Variants in PCDH9 observed in about 807,000 individuals in gnomAD.
The protein encoded by PCDH9 is protocadherin 9.
PCDH9 carries 24 observed loss-of-function variants against 70.6 expected under a neutral mutation model. That is an observed-to-expected ratio of 0.34 (90% CI 0.25 to 0.48). The LOEUF is 0.48. Among genes scored for constraint, PCDH9 ranks in the 20% least tolerant of loss-of-function variants. The pLI, the probability that PCDH9 is intolerant of heterozygous loss-of-function variation, is 0.99. For missense variants in PCDH9, 1,281 were observed against 1,503.6 expected, an observed-to-expected ratio of 0.85 and a Z score of 2.45; for synonymous variants, 562 against 558.5, an observed-to-expected ratio of 1.01 and a Z score of -0.09.
At chr13:66,715,145 G>A (rs2139138958) in intron 3 of PCDH9, among the ~76,000 whole-genome samples, 1 of 152,228 alleles carries the variant, frequency 6.6e-6, no homozygotes, top group Non-Finnish European at 1.5e-5. Context: ...CAAATCATCA[G>A]TCACTGGGCA....
intron 3 of PCDH9, among the ~76,000 whole-genome samples, chr13:66,839,375 T>C (rs997048573): frequency 3.3e-5 from 5 of 152,188 alleles, no homozygotes; most frequent in African/African-American, 1.2e-4. Flanking sequence ...CTCTAGTGTC[T>C]TTCCTCTTTT....
intron 3 of PCDH9, among the ~76,000 whole-genome samples, chr13:66,831,995 T>C (rs1409951293): frequency 6.6e-6 from 1 of 152,170 alleles, no homozygotes; most frequent in African/African-American, 2.4e-5. Flanking sequence ...ATTCTTTGTC[T>C]TTTCCTACAG....
chr13:66,557,953 G>A (rs955611781), intron 4 of PCDH9, among the ~76,000 whole-genome samples: 8 of 152,152 alleles, frequency 5.3e-5, no homozygotes, highest in Non-Finnish European at 8.8e-5. Context: ...GGAGTTTGGA[G>A]ACCAGTGTGG....
At chr13:66,982,891 T>C (rs2083805049) in intron 2 of PCDH9, among the ~76,000 whole-genome samples, 1 of 152,254 alleles carries the variant, frequency 6.6e-6, no homozygotes, top group African/African-American at 2.4e-5. Flanking sequence ...AAATTTACTC[T>C]ATGTTCTATG....
intron 4 of PCDH9, among the ~76,000 whole-genome samples, chr13:66,351,852 T>C (rs376644831): frequency 6.9e-4 from 105 of 152,020 alleles, no homozygotes; most frequent in African/African-American, 2.4e-3. Context: ...CTTTTCTTTT[T>C]TTTTAAGACA....
At chr13:67,035,133 T>C (rs2084984710) in intron 2 of PCDH9, among the ~76,000 whole-genome samples, 1 of 152,078 alleles carries the variant, frequency 6.6e-6, no homozygotes, top group Non-Finnish European at 1.5e-5. Context: ...AGCTGAAGAA[T>C]TTGCTCAATC....
intron 3 of PCDH9, among the ~76,000 whole-genome samples, chr13:66,902,831 GAAAGATAGTAGATTTCTATACCCAGCC>G (rs2082298868): frequency 6.6e-6 from 1 of 151,448 alleles, no homozygotes; most frequent in Non-Finnish European, 1.5e-5. Context: ...AAAAATACAT[GAAAGATAGTAGATTTCTATACCCAGCC>G]ATACTGGAAT....
chr13:66,839,107 A>C (rs1217629380), intron 3 of PCDH9, among the ~76,000 whole-genome samples: 1 of 151,940 alleles, frequency 6.6e-6, no homozygotes, highest in Non-Finnish European at 1.5e-5. Context: ...TAATATTATA[A>C]AATTTTCAAC....
chr13:66,368,505 T>A (rs1956589020), intron 4 of PCDH9, among the ~76,000 whole-genome samples: 1 of 151,776 alleles, frequency 6.6e-6, no homozygotes, highest in South Asian at 2.1e-4. Context: ...AGAACCAGTT[T>A]CTGAAAAAAA....
chr13:66,927,523 C>T (rs1309184739), intron 2 of PCDH9, among the ~76,000 whole-genome samples: 6 of 152,018 alleles, frequency 3.9e-5, no homozygotes, highest in Admixed American at 6.6e-5. Flanking sequence ...CAAACCTGCA[C>T]GTGGACCTCT....
intron 3 of PCDH9, among the ~76,000 whole-genome samples, chr13:66,796,290 A>T (rs192936899): frequency 1.1e-3 from 161 of 152,298 alleles, no homozygotes; most frequent in Non-Finnish European, 1.9e-3. Context: ...TCATGTGTAC[A>T]GAGGCTGGGG....
rs61067249 is a variant in PCDH9, at chr13:66,568,994, CTTTT to C, written c.3340+62212_3340+62215del. ...TAACCTTCTGTTCTTGGAAACATGT[CTTTT>C]TTTTTTTTTTTTTTTTTTTTTGAGA... On this transcript the variant is annotated intron_variant, in intron 4 of 4. Transcript: ENST00000377865. Among the ~76,000 whole-genome samples, 105 of 58,306 alleles carry C rather than the reference CTTTT, an allele frequency of 1.8e-3. 1 individual carries two copies. The highest frequency in any genetic ancestry group is 2.7e-3 in the Non-Finnish European group (90 of 33,810). The allele number at this position is 58,306 out of a possible 152,430, so 38.3% of individuals were successfully genotyped here. A position where few individuals can be genotyped will look rare whatever the true frequency, so the allele number is the denominator to read the frequency against.
Position 67,008,759 on chromosome 13 carries a change from C to A in PCDH9, c.3037-105154G>T, listed in dbSNP as rs2084399404. Among the ~76,000 whole-genome samples the A allele has an allele frequency of 2.6e-5, 4 of 152,118 alleles. No individual in the cohort carries two copies. The South Asian group carries it at 8.3e-4, about 32-fold the overall frequency. On this transcript the variant is annotated intron_variant, in intron 2 of 4. Coordinates refer to ENST00000377865, the MANE Select transcript of PCDH9 (RefSeq NM_203487.3). ...CAATTCCTTTTTACTTACATATTTT[C>A]TTATATTCATTGTATACCTATCAAT...
chr13:66,863,165 A>T (rs542460538), intron 3 of PCDH9, among the ~76,000 whole-genome samples: 76 of 152,338 alleles, frequency 5.0e-4, no homozygotes, highest in African/African-American at 1.8e-3. Context: ...CAAAAGCAAG[A>T]TACAAATAAA....
chr13:67,174,254 T>C (rs780396121), intron 2 of PCDH9, among the ~76,000 whole-genome samples: 11 of 151,406 alleles, frequency 7.3e-5, no homozygotes, highest in Non-Finnish European at 1.3e-4. Context: ...AGGCAGACTA[T>C]AGATAGATAG....
intron 4 of PCDH9, among the ~76,000 whole-genome samples, chr13:66,433,205 CTTG>C (rs1555293028): frequency 3.3e-5 from 5 of 151,954 alleles, no homozygotes; most frequent in Non-Finnish European, 7.4e-5. Context: ...ATGAGACTAA[CTTG>C]CAATAGCAAG....
At chr13:66,408,698 ACTCT>A (rs1027084297) in intron 4 of PCDH9, among the ~76,000 whole-genome samples, 1 of 145,336 alleles carries the variant, frequency 6.9e-6, no homozygotes, top group Non-Finnish European at 1.5e-5. Context: ...GCTTTACCCC[ACTCT>A]CTCTTTTTGT....
At chr13:66,471,624 T>C (rs1958621252) in intron 4 of PCDH9, among the ~76,000 whole-genome samples, 1 of 152,338 alleles carries the variant, frequency 6.6e-6, no homozygotes, top group African/African-American at 2.4e-5. Flanking sequence ...CATTTAATCA[T>C]TAATAATGGG....
At chr13:66,810,039 G>A (rs2080476663) in intron 3 of PCDH9, among the ~76,000 whole-genome samples, 1 of 151,954 alleles carries the variant, frequency 6.6e-6, no homozygotes, top group African/African-American at 2.4e-5. Flanking sequence ...GAATATATGG[G>A]GAAAATGTTC....
Sources: allele counts gnomAD v4.1 joint callset (sites outside exome capture counted in the v4.1 genomes callset), GRCh38; gene constraint gnomAD v4.1.1; transcripts MANE v1.5; gene names NCBI Gene and HGNC (gene_info 2026-07-23, HGNC 2026-07-21).